The following LYPLA1 variants were observed in gnomAD, a reference collection of about 807,000 sequenced individuals.
The protein encoded by LYPLA1 is lysophospholipase 1, also known as acyl-protein thioesterase 1.
A neutral mutation model predicts 34.0 loss-of-function variants in LYPLA1; 17 were observed. That is an observed-to-expected ratio of 0.50 (90% CI 0.34 to 0.75). The LOEUF is 0.75. Ranked by LOEUF, LYPLA1 falls within the 30% of genes least tolerant of loss-of-function variation. The probability of loss-of-function intolerance (pLI) is 0.01; values close to 1 mark genes in which losing one functional copy is unlikely to be tolerated. For missense variants in LYPLA1, 203 were observed against 288.8 expected (o/e 0.70, Z 2.15); for synonymous variants, 98 against 100.8 (o/e 0.97, Z 0.17).
At chr8:54,085,300 C>T (rs1808631435) in intron 2 of LYPLA1, among the ~76,000 whole-genome samples, 1 of 152,212 alleles carries the variant, frequency 6.6e-6, no homozygotes, top group African/African-American at 2.4e-5. Context: ...CAATGTTGCC[C>T]AGGCTGGAGT....
chr8:54,050,186 G>A (rs1805753052), intron 8 of LYPLA1, among the ~76,000 whole-genome samples: 1 of 152,086 alleles, frequency 6.6e-6, no homozygotes, highest in Non-Finnish European at 1.5e-5. Flanking sequence ...GATATTGTGG[G>A]GGCACATTGA....
chr8:54,070,767 G>A (rs901465055), intron 2 of LYPLA1, among the ~76,000 whole-genome samples: 4 of 152,098 alleles, frequency 2.6e-5, no homozygotes, highest in Non-Finnish European at 4.4e-5. Context: ...GCCATACAAC[G>A]GAGTATGATT....
Position 54,073,435 on chromosome 8 carries a change from C to T in LYPLA1, c.102-7622G>A, listed in dbSNP as rs939157436. On this transcript the variant is annotated intron_variant, in intron 2 of 8. Transcript: ENST00000316963. ...CGGCCAGCTCCGCTGCTTTCCTCAG[C>T]CATTTATCTACCTGGCTGTGATGGC... 8 of 774,032 alleles carry T rather than the reference C, an allele frequency of 1.0e-5. No homozygotes were observed. In the South Asian group the frequency reaches 1.1e-4, roughly 10 times the overall value. The allele number at this position is 774,032 out of a possible 1,614,324, so 47.9% of individuals were successfully genotyped here.
In LYPLA1 at chr8:54,047,957, C is replaced by T. The variant is rs1450370613; in HGVS notation, c.*108G>A. On this transcript the variant is annotated 3_prime_UTR_variant, in exon 9 of 9. Transcript: ENST00000316963. Reference sequence around the variant, plus strand: ...GTGTTATTGGCATGTATTTGCAAAACATTTTAACACTGCAAAACATTAGAA... The same window carrying T: ...GTGTTATTGGCATGTATTTGCAAAATATTTTAACACTGCAAAACATTAGAA... 32 of 710,200 alleles carry T rather than the reference C, an allele frequency of 4.5e-5. No individual in the cohort carries two copies. The East Asian group carries it at 4.7e-4, about 10-fold the overall frequency. The allele number at this position is 710,200 out of a possible 1,614,324, so 44.0% of individuals were successfully genotyped here.
intron 2 of LYPLA1, chr8:54,100,608 T>C (rs1183425219): frequency 2.7e-6 from 1 of 366,428 alleles, no homozygotes; most frequent in Admixed American, 4.8e-5. Flanking sequence ...AGCTCTCAAT[T>C]GCACACCGTC....
intron 2 of LYPLA1, among the ~76,000 whole-genome samples, chr8:54,091,581 AAAGGAAGGAAGGAAGG>A (rs200125817): frequency 2.3e-3 from 334 of 142,320 alleles, no homozygotes; most frequent in Middle Eastern, 0.011. Context: ...GAAAGAAAGA[AAAGGAAGGAAGGAAGG>A]AAGGAAGGAA....
intron 2 of LYPLA1, among the ~76,000 whole-genome samples, chr8:54,073,982 G>A (rs1180091812): frequency 6.6e-6 from 1 of 152,158 alleles, no homozygotes; most frequent in Non-Finnish European, 1.5e-5. Context: ...CTCTTTAAAA[G>A]GAAAGAAAGC....
chr8:54,070,605 A>T (rs1190666915), intron 2 of LYPLA1, among the ~76,000 whole-genome samples: 2 of 152,040 alleles, frequency 1.3e-5, no homozygotes, highest in East Asian at 3.9e-4. Context: ...TGCCTGTAGT[A>T]CCAGCGACTG....
intron 2 of LYPLA1, among the ~76,000 whole-genome samples, chr8:54,092,525 A>C (rs921528337): frequency 3.9e-5 from 6 of 152,158 alleles, no homozygotes; most frequent in Non-Finnish European, 8.8e-5. Context: ...ATGCCTTTCT[A>C]GTTCTCAGTT....
rs1010582286 is a variant in LYPLA1 at position 54,096,856 on chromosome 8, C to T, written c.101+4052G>A. 9.9e-5 allele frequency among the ~76,000 whole-genome samples: 15 copies of T among 152,182 alleles called. No individual in the cohort carries two copies. The South Asian group carries it at 1.9e-3, about 19-fold the overall frequency. On this transcript the variant is annotated intron_variant, in intron 2 of 8. Coordinates refer to ENST00000316963, the MANE Select transcript of LYPLA1 (RefSeq NM_006330.4). ...CCTGGGAGGTGGAGGTTCAGTGAGCCGAGATTGCACCACTGCACTCCAGCC... is the reference window on the plus strand; with the variant it reads ...CCTGGGAGGTGGAGGTTCAGTGAGCTGAGATTGCACCACTGCACTCCAGCC...
At chr8:54,048,548 A>G (rs1805627434) in intron 8 of LYPLA1, among the ~76,000 whole-genome samples, 1 of 152,216 alleles carries the variant, frequency 6.6e-6, no homozygotes, top group Admixed American at 6.5e-5. Context: ...ATAAAGAATT[A>G]CATACAACTA....
Position 54,047,900 on chromosome 8 carries a change from T to C in LYPLA1, c.*165A>G. On this transcript the variant is annotated 3_prime_UTR_variant, in exon 9 of 9. Transcript: ENST00000316963. ...ACATGTATAGAAACTTAAAAGATCA[T>C]AAATTTCTCATGAGGAGATATTATT... 1 of 488,528 alleles carries C rather than the reference T, an allele frequency of 2.0e-6. No homozygotes were observed. Among genetic ancestry groups the C allele is most frequent in the African/African-American group, 2.0e-5 (1 of 50,724 alleles). 30.3% of individuals were successfully genotyped at this position (488,528 alleles called of 1,614,324 possible).
At chr8:54,058,957 CTT>C (rs754766464) in intron 5 of LYPLA1, among the ~76,000 whole-genome samples, 5 of 152,174 alleles carry the variant, frequency 3.3e-5, no homozygotes, top group Non-Finnish European at 5.9e-5. Flanking sequence ...AGCACATTCT[CTT>C]TTGTTTTTTC....
chr8:54,086,072 T>C (rs1422519216), intron 2 of LYPLA1, among the ~76,000 whole-genome samples: 2 of 152,164 alleles, frequency 1.3e-5, no homozygotes, highest in Non-Finnish European at 2.9e-5. Context: ...CTCCATTTTG[T>C]TCTGTATTAA....
At chr8:54,051,468 G>C (rs905230474) in intron 7 of LYPLA1, among the ~76,000 whole-genome samples, 2 of 152,098 alleles carry the variant, frequency 1.3e-5, no homozygotes, top group African/African-American at 4.8e-5. Context: ...GTTTTTTTGA[G>C]ACGGAGTCTT....
chr8:54,084,147 T>TAC (rs1808528660), intron 2 of LYPLA1, among the ~76,000 whole-genome samples: 1 of 125,996 alleles, frequency 7.9e-6, no homozygotes, highest in African/African-American at 3.9e-5. Flanking sequence ...AATAAATATA[T>TAC]ATATATATAT....
chr8:54,060,367 C>A (rs1295150156), intron 5 of LYPLA1, among the ~76,000 whole-genome samples: 1 of 152,052 alleles, frequency 6.6e-6, no homozygotes, highest in Admixed American at 6.5e-5. Flanking sequence ...TCAGGCGATC[C>A]GCCTGCCTCA....
chr8:54,082,865 T>C (rs1391611772), intron 2 of LYPLA1, among the ~76,000 whole-genome samples: 2 of 151,820 alleles, frequency 1.3e-5, no homozygotes, highest in Non-Finnish European at 2.9e-5. Flanking sequence ...TAGCTGGGAC[T>C]ACAGGTACCC....
intron 5 of LYPLA1, among the ~76,000 whole-genome samples, chr8:54,058,445 G>A (rs1406152097): frequency 1.3e-5 from 2 of 152,160 alleles, no homozygotes; most frequent in Non-Finnish European, 2.9e-5. Context: ...TTGGGAGGCT[G>A]AGACAGGAGA....
Sources: allele counts gnomAD v4.1 joint callset (sites outside exome capture counted in the v4.1 genomes callset), GRCh38; gene constraint gnomAD v4.1.1; transcripts MANE v1.5; gene names NCBI Gene and HGNC (gene_info 2026-07-23, HGNC 2026-07-21).